Variants in DST observed in about 807,000 individuals in gnomAD.
DST encodes bullous pemphigoid antigen.
A neutral mutation model predicts 875.2 loss-of-function variants in DST; 253 were observed. The observed-to-expected ratio is 0.29, with a 90% CI of 0.26 to 0.32. DST has a LOEUF of 0.32. Among genes scored for constraint, DST ranks in the 10% least tolerant of loss-of-function variants. The probability of loss-of-function intolerance (pLI) is 1.00; values close to 1 mark genes in which losing one functional copy is unlikely to be tolerated. For missense variants in DST, 8,287 were observed against 9,111.6 expected (o/e 0.91, Z 3.68); for synonymous variants, 3,124 against 3,197.1 (o/e 0.98, Z 0.77).
intron 4 of DST, among the ~76,000 whole-genome samples, chr6:56,835,104 T>C (rs183852407): frequency 1.3e-5 from 2 of 152,320 alleles, no homozygotes; most frequent in East Asian, 3.9e-4. Flanking sequence ...GTCTATATAC[T>C]GCAGGATTCC....
In DST at chr6:56,471,232, G is replaced by T; in HGVS notation, c.22195C>A (p.Arg7399Ser). 6.3e-7 allele frequency: 1 copy of T among 1,595,220 alleles called. No homozygotes were observed. The highest frequency in any genetic ancestry group is 8.5e-7 in the Non-Finnish European group (1 of 1,169,914). ...EFANFDFDIW[R>S]KKYMRWMNHK... ...TTCATCCATCGCATGTATTTTTTGC[G>T]CCAGATATCAAAATCAAAGTTAGCA... is the stretch of plus-strand genomic sequence containing the variant. Residue 7399 changes from arginine to serine, a missense_variant, in exon 95 of 104, where the codon CGC becomes AGC. Arg to Ser is a moderately radical substitution (Grantham distance 110). Around this residue, in one of 10 missense-constraint regions of DST, gnomAD observed 1,292 missense variants for 1,552.7 expected, o/e 0.83. Coordinates refer to ENST00000680361, the MANE Select transcript of DST (RefSeq NM_001374736.1).
chr6:56,686,746 G>C (rs919373812), intron 9 of DST, among the ~76,000 whole-genome samples: 1 of 152,148 alleles, frequency 6.6e-6, no homozygotes, highest in African/African-American at 2.4e-5. Context: ...AGAGAAAGAA[G>C]TGTCCCGTTA....
rs1167313557 is a variant in DST at position 56,611,504 on chromosome 6, A to G, written c.5147+4T>C. The G allele has an allele frequency of 3.7e-6, 6 of 1,601,706 alleles. No homozygotes were observed. Among genetic ancestry groups the G allele is most frequent in the African/African-American group, 2.7e-5 (2 of 74,602 alleles). ...AATAAAAGAGCTAACTACAACCAACATACTTGTCTCCATGTTTTGCCAAAA... is the reference window on the plus strand; with the variant it reads ...AATAAAAGAGCTAACTACAACCAACGTACTTGTCTCCATGTTTTGCCAAAA... On this transcript the variant is annotated splice_donor_region_variant and intron_variant, in intron 38 of 103. Transcript: ENST00000680361.
At chr6:56,474,473 G>C (rs2095066590) in intron 92 of DST, 1 of 152,680 alleles carries the variant, frequency 6.5e-6, no homozygotes, top group South Asian at 2.1e-4. Flanking sequence ...AACAGAGTGA[G>C]ACTCTGCTCC....
chr6:56,600,529 C>G (rs936336849), intron 44 of DST, among the ~76,000 whole-genome samples: 2 of 151,972 alleles, frequency 1.3e-5, no homozygotes, highest in African/African-American at 4.8e-5. Context: ...GCTGTTGAAA[C>G]CTGCGACACA....
At chr6:56,653,274 C>G (rs566000609) in intron 10 of DST, among the ~76,000 whole-genome samples, 2 of 152,194 alleles carry the variant, frequency 1.3e-5, no homozygotes, top group Non-Finnish European at 2.9e-5. Flanking sequence ...TAAGTCATCT[C>G]TTTTATCATG....
chr6:56,616,713 C>A, intron 36 of DST: 2 of 1,614,210 alleles, frequency 1.2e-6, no homozygotes, highest in South Asian at 2.2e-5. Context: ...ATGACACCCC[C>A]ACTGGCAATC....
intron 5 of DST, among the ~76,000 whole-genome samples, chr6:56,708,389 A>C (rs1284106087): frequency 6.6e-6 from 1 of 152,248 alleles, no homozygotes; most frequent in African/African-American, 2.4e-5. Flanking sequence ...TAAGAATTTT[A>C]GAAGAAAATG....
intron 3 of DST, chr6:56,863,811 T>C (rs1772570098): frequency 1.3e-5 from 2 of 152,234 alleles, no homozygotes; most frequent in Non-Finnish European, 2.9e-5. Context: ...CTTTGTGCCA[T>C]CCTTCACTCT....
chr6:56,509,218 C>T (rs964705908), intron 74 of DST, among the ~76,000 whole-genome samples: 1 of 152,154 alleles, frequency 6.6e-6, no homozygotes, highest in African/African-American at 2.4e-5. Context: ...CCTTTTGACC[C>T]TCAGCTCGTA....
At position 56,598,696 on chromosome 6, in the gene DST, T is replaced by C. The variant is rs765450170; in HGVS notation, c.11708A>G (p.Asp3903Gly). Residue 3903 changes from aspartate (D) to glycine (G), a missense_variant, in exon 46 of 104, where the codon GAT becomes GGT. Asp to Gly is a moderately conservative substitution (Grantham distance 94). Transcript: ENST00000680361. ...CAATGCCTGTGCACTTCCTTGCATA[T>C]CTTTCTGTAATTCCTTATAACACAA... ...YQSKQEELQKDMQGSAQALAE... is the reference protein window; with the variant it reads ...YQSKQEELQKGMQGSAQALAE... The C allele has an allele frequency of 6.3e-7, 1 of 1,586,772 alleles. No homozygotes were observed. Among genetic ancestry groups the C allele is most frequent in the Non-Finnish European group, 8.6e-7 (1 of 1,168,354 alleles).
chr6:56,843,201 C>A (rs1357059662), intron 4 of DST: 3 of 1,465,646 alleles, frequency 2.0e-6, no homozygotes, highest in African/African-American at 2.8e-5. Context: ...TCGTAACCCC[C>A]GGACAGTATC....
chr6:56,474,351 G>A (rs1372853499), intron 92 of DST: 1 of 192,952 alleles, frequency 5.2e-6, no homozygotes, highest in Non-Finnish European at 1.0e-5. Context: ...AGGCATGGTG[G>A]TGCACGCCTG....
At chr6:56,634,314 C>A (rs1185605605) in intron 26 of DST, 56 bp from the exon 27 acceptor site, 25 of 1,611,904 alleles carry the variant, frequency 1.6e-5, no homozygotes, top group Non-Finnish European at 2.0e-5. Context: ...TGAAAACACA[C>A]TGCAATTTTT....
chr6:56,530,239 ACTAT>A (rs1162881326), intron 64 of DST, 106 bp from the exon 65 acceptor site: 20 of 799,956 alleles, frequency 2.5e-5, no homozygotes, highest in African/African-American at 1.1e-4. Context: ...TTCTGTAGAA[ACTAT>A]CTAAGGTTAC....
At chr6:56,872,272 A>G (rs1777554495) in intron 3 of DST, among the ~76,000 whole-genome samples, 1 of 152,254 alleles carries the variant, frequency 6.6e-6, no homozygotes, top group African/African-American at 2.4e-5. Flanking sequence ...TATTAGCAAT[A>G]GCATATTAAG....
intron 91 of DST, 122 bp downstream of exon 91, chr6:56,477,223 C>G: frequency 1.9e-6 from 2 of 1,072,774 alleles, no homozygotes; most frequent in Non-Finnish European, 2.6e-6. Context: ...TTTAAAAGAA[C>G]GTTTTCTATG....
At chr6:56,699,046 C>T (rs1317223211) in intron 9 of DST, among the ~76,000 whole-genome samples, 3 of 152,124 alleles carry the variant, frequency 2.0e-5, no homozygotes, top group Non-Finnish European at 1.5e-5. Flanking sequence ...TTAGGAATCT[C>T]CTTAAATCAA....
chr6:56,497,929 A>G lies in DST; in HGVS notation c.20021T>C (p.Leu6674Ser). 6.2e-7 allele frequency: 1 copy of G among 1,613,306 alleles called. No homozygotes were observed. The highest frequency in any genetic ancestry group is 8.5e-7 in the Non-Finnish European group (1 of 1,179,532). ...CAAAACATTTTGCCAGCGTTGATTTAAAACCTCTAGCTTGTTCTGAAGGTT... is the reference window on the plus strand; with the variant it reads ...CAAAACATTTTGCCAGCGTTGATTTGAAACCTCTAGCTTGTTCTGAAGGTT... ...ASNLQNKLEV[L>S]NQRWQNVLEK... Residue 6674 changes from leucine (L) to serine (S), a missense_variant, in exon 81 of 104, where the codon TTA (leucine) becomes TCA (serine). By Grantham distance (145) the Leu-to-Ser change is moderately radical. Around this residue, in one of 10 missense-constraint regions of DST, gnomAD observed 1,292 missense variants for 1,552.7 expected, o/e 0.83. Coordinates refer to ENST00000680361, the MANE Select transcript of DST (RefSeq NM_001374736.1).
Sources: allele counts gnomAD v4.1 joint callset (sites outside exome capture counted in the v4.1 genomes callset), GRCh38; gene constraint gnomAD v4.1.1; regional missense constraint gnomAD v4.1.1; transcripts MANE v1.5; gene names NCBI Gene and HGNC (gene_info 2026-07-23, HGNC 2026-07-21).